MFHAS1: variants seen among roughly 807,000 people sequenced by gnomAD.
The protein encoded by MFHAS1 is multifunctional ROCO family signaling regulator 1.
In MFHAS1, 50 loss-of-function variants were observed where a neutral mutation model predicts 70.4. The ratio of observed to expected loss-of-function variants is 0.71; its 90% CI spans 0.57 to 0.90. The LOEUF (loss-of-function observed/expected upper bound fraction) is 0.90, where lower values mean the gene tolerates loss of function less well. MFHAS1 is among the 40% of genes least tolerant of loss of function. The probability of loss-of-function intolerance (pLI) is 0.00; values close to 1 mark genes in which losing one functional copy is unlikely to be tolerated. For missense variants in MFHAS1, 1,795 were observed against 1,347.6 expected (o/e 1.33, Z -5.20); for synonymous variants, 952 against 620.0 (o/e 1.54, Z -7.96).
intron 1 of MFHAS1, among the ~76,000 whole-genome samples, chr8:8,868,531 G>C (rs1318043835): frequency 2.0e-5 from 3 of 151,678 alleles, no homozygotes; most frequent in African/African-American, 7.3e-5. Context: ...TGCACAGTAG[G>C]CCTGGGCTCA....
rs556768623 is a variant in MFHAS1 at position 8,824,347 on chromosome 8, G to A, written c.2999-26856C>T. 2.2e-4 allele frequency among the ~76,000 whole-genome samples: 34 copies of A among 152,046 alleles called. 2 individuals are homozygous for A. In the South Asian group the frequency reaches 2.7e-3, roughly 12 times the overall value. ...TCCCTCCAAGCACACAGGGTACCCC[G>A]GAGTCCTTACCCACTCCAGCACAGG... is the stretch of plus-strand genomic sequence containing the variant. On this transcript the variant is annotated intron_variant, in intron 1 of 2. Transcript: ENST00000276282.
At chr8:8,798,626 C>CA (rs1269377310) in intron 1 of MFHAS1, among the ~76,000 whole-genome samples, 1 of 152,176 alleles carries the variant, frequency 6.6e-6, no homozygotes, top group African/African-American at 2.4e-5. Flanking sequence ...TGTGAGCCAC[C>CA]ATGTCTGGCT....
At chr8:8,887,183 A>T (rs1398284127) in intron 1 of MFHAS1, among the ~76,000 whole-genome samples, 3 of 152,196 alleles carry the variant, frequency 2.0e-5, no homozygotes, top group Non-Finnish European at 2.9e-5. Context: ...AATAGATTCA[A>T]AGGGTTTCTG....
intron 1 of MFHAS1, among the ~76,000 whole-genome samples, chr8:8,829,826 A>G (rs1807304460): frequency 1.3e-5 from 2 of 152,220 alleles, no homozygotes; most frequent in African/African-American, 4.8e-5. Context: ...AATACAAAAA[A>G]GAGACTTGAA....
Position 8,893,094 on chromosome 8 carries a change from G to C in MFHAS1, c.-36C>G, listed in dbSNP as rs759349620. 3.6e-6 allele frequency: 5 copies of C among 1,407,998 alleles called. No homozygotes were observed. The highest frequency in any genetic ancestry group is 1.5e-5 in the South Asian group (1 of 68,940). 87.2% of individuals were successfully genotyped at this position (1,407,998 alleles called of 1,614,324 possible). On this transcript the variant is annotated 5_prime_UTR_variant, in exon 1 of 3. Transcript: ENST00000276282. ...CGGGCCGACAGCCTCACGCGGACGC[G>C]GGAGCCCGCAGCTACATGCCGCGCC... is the stretch of plus-strand genomic sequence containing the variant.
At position 8,892,536 on chromosome 8, in the gene MFHAS1, C is replaced by A. The variant is rs918620326; in HGVS notation, c.523G>T (p.Asp175Tyr). ...VSFNRLAHLP[D>Y]SLSCLSRLRT... ...AGGCGGGAGAGGCAGGAGAGGGAGT[C>A]AGGCAGGTGCGCCAGCCGGTTAAAG... Residue 175 changes from aspartate to tyrosine, a missense_variant, in exon 1 of 3, where the codon GAC (aspartate) becomes TAC (tyrosine). By Grantham distance (160) the Asp-to-Tyr change is radical. Coordinates refer to ENST00000276282, the MANE Select transcript of MFHAS1 (RefSeq NM_004225.3). The surrounding 1 kb of genome is among the most constrained non-coding windows in gnomAD (Gnocchi z 4.7). 2 of 1,594,906 alleles carry A rather than the reference C, an allele frequency of 1.3e-6. No homozygotes were observed. Among genetic ancestry groups the A allele is most frequent in the African/African-American group, 2.7e-5 (2 of 74,786 alleles).
chr8:8,797,816 C>T (rs1405326992), intron 1 of MFHAS1, among the ~76,000 whole-genome samples: 1 of 152,172 alleles, frequency 6.6e-6, no homozygotes, highest in Non-Finnish European at 1.5e-5. Flanking sequence ...TAGATATCAA[C>T]GACTGAGCCA....
chr8:8,813,472 G>A (rs1314409642), intron 1 of MFHAS1, among the ~76,000 whole-genome samples: 1 of 152,168 alleles, frequency 6.6e-6, no homozygotes, highest in Non-Finnish European at 1.5e-5. Context: ...AGATCTTCCA[G>A]TGCGACAAGA....
At chr8:8,863,841 G>C (rs930293957) in intron 1 of MFHAS1, among the ~76,000 whole-genome samples, 7 of 152,106 alleles carry the variant, frequency 4.6e-5, no homozygotes, top group Non-Finnish European at 8.8e-5. Context: ...AGTTGCATTT[G>C]TTTTATCTGA....
At chr8:8,807,716 A>C (rs1383397319) in intron 1 of MFHAS1, among the ~76,000 whole-genome samples, 1 of 152,192 alleles carries the variant, frequency 6.6e-6, no homozygotes, top group East Asian at 1.9e-4. Flanking sequence ...AAAGGCTGAG[A>C]CTAATTCAAG....
At chr8:8,866,210 G>A (rs909567173) in intron 1 of MFHAS1, among the ~76,000 whole-genome samples, 18 of 152,024 alleles carry the variant, frequency 1.2e-4, no homozygotes, top group Non-Finnish European at 1.9e-4. Flanking sequence ...TTTTGCCTGC[G>A]AAAAGCTCTC....
At chr8:8,855,980 A>T (rs1718785740) in intron 1 of MFHAS1, among the ~76,000 whole-genome samples, 1 of 152,244 alleles carries the variant, frequency 6.6e-6, no homozygotes, top group African/African-American at 2.4e-5. Flanking sequence ...CACAGATGAG[A>T]AAAGATGCTC....
chr8:8,816,560 T>A (rs943593028), intron 1 of MFHAS1, among the ~76,000 whole-genome samples: 1 of 152,210 alleles, frequency 6.6e-6, no homozygotes, highest in East Asian at 1.9e-4. Flanking sequence ...CTGTGAAATA[T>A]TTATGATTAT....
At chr8:8,812,293 G>A (rs112062905) in intron 1 of MFHAS1, among the ~76,000 whole-genome samples, 16 of 152,168 alleles carry the variant, frequency 1.1e-4, no homozygotes, top group Non-Finnish European at 1.6e-4. Flanking sequence ...GGGGGAGACT[G>A]AAGCCGGCGT....
chr8:8,813,094 T>C (rs1001538361), intron 1 of MFHAS1, among the ~76,000 whole-genome samples: 3 of 152,172 alleles, frequency 2.0e-5, no homozygotes, highest in Non-Finnish European at 2.9e-5. Context: ...CGAGCAATGG[T>C]AGACCCCACA....
intron 1 of MFHAS1, among the ~76,000 whole-genome samples, chr8:8,819,483 C>A (rs990322509): frequency 1.3e-5 from 2 of 151,524 alleles, no homozygotes; most frequent in Non-Finnish European, 2.9e-5. Context: ...CGGGTGCCTG[C>A]AGTCCCAGCT....
chr8:8,788,158 C>T (rs1309467252), intron 2 of MFHAS1, among the ~76,000 whole-genome samples: 1 of 152,182 alleles, frequency 6.6e-6, no homozygotes, highest in Non-Finnish European at 1.5e-5. Context: ...ATAAGTTTGC[C>T]TGGTTATGGC....
intron 2 of MFHAS1, chr8:8,790,329 A>C: frequency 1.0e-6 from 1 of 975,878 alleles, no homozygotes; most frequent in Non-Finnish European, 1.2e-6. Flanking sequence ...CTTACCCTTA[A>C]AAATTGGTGC....
Position 8,891,821 on chromosome 8 carries a change from A to C in MFHAS1, c.1238T>G (p.Leu413Arg). Residue 413 changes from leucine (L) to arginine (R), a missense_variant, in exon 1 of 3, where the codon CTC becomes CGC. Leu to Arg is a moderately radical substitution (Grantham distance 102). Coordinates refer to ENST00000276282, the MANE Select transcript of MFHAS1 (RefSeq NM_004225.3). This position sits in a 1 kb window ranked among gnomAD's most constrained non-coding sequence, Gnocchi z 5.4. ...TCCTGCAGCCTTATGCCCCATCAGG[A>C]GCAGCTTGAGCCGGGGCTGCACCGC... The part of the protein sequence containing the change: ...QPAVQPRLKL[L>R]LMGHKAAGKT... 6.2e-7 allele frequency: 1 copy of C among 1,613,174 alleles called. No individual in the cohort carries two copies. Among genetic ancestry groups the C allele is most frequent in the Non-Finnish European group, 8.5e-7 (1 of 1,179,952 alleles).
Sources: gnomAD v4.1 joint callset for allele counts (sites outside exome capture counted in the v4.1 genomes callset) on GRCh38, gnomAD v4.1.1 for gene constraint, Gnocchi (gnomAD v3.1) non-coding constraint, MANE v1.5 for transcripts, NCBI Gene and HGNC (gene_info 2026-07-23, HGNC 2026-07-21) for gene names.